Variants in ARHGAP26 observed in about 807,000 individuals in gnomAD.
ARHGAP26 encodes the protein Rho GTPase activating protein 26.
ARHGAP26 carries 38 observed loss-of-function variants against 104.8 expected under a neutral mutation model. The ratio of observed to expected loss-of-function variants is 0.36; its 90% CI spans 0.28 to 0.48. The LOEUF is 0.48. Among genes scored for constraint, ARHGAP26 ranks in the 20% least tolerant of loss-of-function variants. The pLI is 0.99. For synonymous variants in ARHGAP26, 341 were observed against 340.0 expected (o/e 1.00, Z -0.03); for missense variants, 704 against 947.9 (o/e 0.74, Z 3.38).
intron 10 of ARHGAP26, among the ~76,000 whole-genome samples, chr5:142,931,679 C>T (rs1385848373): frequency 6.6e-6 from 1 of 152,154 alleles, no homozygotes; most frequent in Non-Finnish European, 1.5e-5. Flanking sequence ...CTTCCACAAA[C>T]ATTTATTGCA....
At chr5:143,170,572 G>A (rs962071806) in intron 20 of ARHGAP26, 2 of 152,244 alleles carry the variant, frequency 1.3e-5, no homozygotes, top group African/African-American at 4.8e-5. Flanking sequence ...GATGATAATG[G>A]TGGTAATGAC....
intron 1 of ARHGAP26, among the ~76,000 whole-genome samples, chr5:142,833,390 T>A (rs1456207599): frequency 6.6e-6 from 1 of 152,166 alleles, no homozygotes; most frequent in Admixed American, 6.5e-5. Context: ...AAATATTTTT[T>A]AAAAAACATG....
At chr5:142,872,984 C>T (rs10039856) in intron 1 of ARHGAP26, among the ~76,000 whole-genome samples, 30,979 of 152,034 alleles carry the variant, frequency 0.2, 5,052 homozygotes, top group East Asian at 0.65. Flanking sequence ...GGGGAAATTA[C>T]TGTTGAGTCA....
rs887204145 is a variant in ARHGAP26 at position 143,226,509 on chromosome 5, A to T, written c.*4063A>T. The T allele has an allele frequency of 1.6e-5, 3 of 183,106 alleles. No homozygotes were observed. The highest frequency in any genetic ancestry group is 4.8e-5 in the African/African-American group (2 of 41,258). The allele number at this position is 183,106 out of a possible 1,614,324, so 11.3% of individuals were successfully genotyped here. ...GGAAAAAAAAAAAAAAAAAAAAAGA[A>T]TGCCATGCCAGGAGAAGACAGCTGG... On this transcript the variant is annotated 3_prime_UTR_variant, in exon 23 of 23. Transcript: ENST00000645722.
intron 10 of ARHGAP26, among the ~76,000 whole-genome samples, chr5:142,931,260 C>T (rs1764673450): frequency 6.6e-6 from 1 of 152,196 alleles, no homozygotes; most frequent in African/African-American, 2.4e-5. Context: ...TGAAGAACTC[C>T]TGCTTTAATG....
chr5:143,057,718 G>GT lies in ARHGAP26; in HGVS notation c.1511dup (p.Leu504PhefsTer13). 1 of 1,613,930 alleles carries GT rather than the reference G, an allele frequency of 6.2e-7. No homozygotes were observed. The highest frequency in any genetic ancestry group is 1.1e-5 in the South Asian group (1 of 91,066). ...GGCTCCCAGAGAAAAATCGGCAGAT[G>GT]TTACAGCTGCTCATGAACCACTTGG... On this transcript the variant is annotated frameshift_variant, in exon 17 of 23. Transcript: ENST00000645722. LOFTEE classifies it high-confidence loss of function.
At chr5:142,951,510 G>A (rs141324688) in intron 11 of ARHGAP26, among the ~76,000 whole-genome samples, 101 of 152,336 alleles carry the variant, frequency 6.6e-4, no homozygotes, top group Non-Finnish European at 6.8e-4. Context: ...GGATCAGTCT[G>A]GGATTTGGGC....
At chr5:142,775,099 G>A (rs891899502) in intron 1 of ARHGAP26, among the ~76,000 whole-genome samples, 9 of 151,916 alleles carry the variant, frequency 5.9e-5, no homozygotes, top group African/African-American at 1.9e-4. Context: ...AAATACCAAG[G>A]AGTATAATTG....
chr5:143,128,065 A>G (rs2150853131), intron 18 of ARHGAP26, among the ~76,000 whole-genome samples: 1 of 152,320 alleles, frequency 6.6e-6, no homozygotes, highest in East Asian at 1.9e-4. Context: ...TTCAGAAGCA[A>G]GCTAGATTTA....
chr5:142,993,077 G>A (rs1353400482), intron 11 of ARHGAP26, among the ~76,000 whole-genome samples: 1 of 151,150 alleles, frequency 6.6e-6, no homozygotes, highest in Non-Finnish European at 1.5e-5. Flanking sequence ...CACCTCCCAG[G>A]TTCAAGCAAT....
Position 142,792,537 on chromosome 5 carries a change from A to AT in ARHGAP26, c.154+21630dup, listed in dbSNP as rs543102292. ...AAGCACTAGAGACTTATTGACCCAC[A>AT]TTTTTTTTCCTCCTTCTCCTCCAGG... On this transcript the variant is annotated intron_variant, in intron 1 of 22. Coordinates refer to ENST00000645722, the MANE Select transcript of ARHGAP26 (RefSeq NM_001135608.3). 2.8e-3 allele frequency among the ~76,000 whole-genome samples: 427 copies of AT among 151,978 alleles called. 2 individuals are homozygous for AT. The highest frequency in any genetic ancestry group is 9.8e-3 in the African/African-American group (407 of 41,442).
intron 1 of ARHGAP26, among the ~76,000 whole-genome samples, chr5:142,832,607 G>A (rs1768698987): frequency 6.6e-6 from 1 of 152,232 alleles, no homozygotes; most frequent in Non-Finnish European, 1.5e-5. Context: ...CCTGGCACAG[G>A]ACATCTAGGG....
chr5:143,022,182 C>T (rs1254704537), intron 12 of ARHGAP26, among the ~76,000 whole-genome samples: 1 of 152,204 alleles, frequency 6.6e-6, no homozygotes, highest in Non-Finnish European at 1.5e-5. Flanking sequence ...GGTGATTCTC[C>T]TGCCTCAACC....
intron 1 of ARHGAP26, among the ~76,000 whole-genome samples, chr5:142,837,090 G>C (rs1279562249): frequency 6.6e-6 from 1 of 152,190 alleles, no homozygotes; most frequent in African/African-American, 2.4e-5. Flanking sequence ...TGGAACTTCT[G>C]TAGTCAGTAC....
chr5:142,779,207 A>G (rs147160560), intron 1 of ARHGAP26, among the ~76,000 whole-genome samples: 41 of 152,312 alleles, frequency 2.7e-4, no homozygotes, highest in African/African-American at 9.1e-4. Flanking sequence ...TACAAATTAT[A>G]GTGACTGGGG....
At chr5:143,157,176 T>C (rs763979335) in intron 20 of ARHGAP26, among the ~76,000 whole-genome samples, 2,439 of 44,564 alleles carry the variant, frequency 0.055, 69 homozygotes, top group African/African-American at 0.1. Context: ...TTCTTTCTTT[T>C]TTTTTTTTTT....
intron 20 of ARHGAP26, among the ~76,000 whole-genome samples, chr5:143,155,083 T>C (rs758670840): frequency 1.2e-4 from 19 of 152,138 alleles, no homozygotes; most frequent in Non-Finnish European, 4.4e-5. Flanking sequence ...GCAGAAAAGA[T>C]CTCTTCAGAC....
Position 143,198,232 on chromosome 5 carries a change from G to T in ARHGAP26, c.1989-8966G>T, listed in dbSNP as rs542907685. Among the ~76,000 whole-genome samples, 118 of 152,324 alleles carry T rather than the reference G, an allele frequency of 7.7e-4. 1 individual carries two copies. Among genetic ancestry groups the T allele is most frequent in the African/African-American group, 2.8e-3 (117 of 41,576 alleles). On this transcript the variant is annotated intron_variant, in intron 20 of 22. Transcript: ENST00000645722. ...ACTCAATTTAAGAGTTATATGCCTA[G>T]TAAGGAAGTATTGGGATTTCTTAGC...
chr5:142,855,746 T>G (rs1481236112), intron 1 of ARHGAP26, among the ~76,000 whole-genome samples: 2 of 152,162 alleles, frequency 1.3e-5, no homozygotes, highest in African/African-American at 4.8e-5. Flanking sequence ...GAAGACAGGC[T>G]CATGAGCAAG....
Sources: allele counts gnomAD v4.1 joint callset (sites outside exome capture counted in the v4.1 genomes callset), GRCh38; gene constraint gnomAD v4.1.1; transcripts MANE v1.5; gene names NCBI Gene and HGNC (gene_info 2026-07-23, HGNC 2026-07-21).